Variants in RUNDC3B observed in about 807,000 individuals in gnomAD.
RUNDC3B encodes RUN domain containing 3B.
RUNDC3B carries 33 observed loss-of-function variants against 58.4 expected under a neutral mutation model. That is an observed-to-expected ratio of 0.56 (90% CI 0.43 to 0.75). RUNDC3B has a LOEUF of 0.75. Ranked by LOEUF, RUNDC3B falls within the 30% of genes least tolerant of loss-of-function variation. The pLI is 0.00. For synonymous variants in RUNDC3B, 193 were observed against 195.2 expected (o/e 0.99, Z 0.10); for missense variants, 501 against 535.7 (o/e 0.94, Z 0.64).
chr7:87,668,990 G>A (rs1825555984), intron 2 of RUNDC3B, among the ~76,000 whole-genome samples: 1 of 151,898 alleles, frequency 6.6e-6, no homozygotes, highest in South Asian at 2.1e-4. Context: ...GTGTATCCGA[G>A]CCTTTTGGTT....
intron 3 of RUNDC3B, among the ~76,000 whole-genome samples, chr7:87,701,497 CA>C (rs1829032131): frequency 6.6e-6 from 1 of 152,114 alleles, no homozygotes; most frequent in Non-Finnish European, 1.5e-5. Flanking sequence ...GATGGAACTG[CA>C]TAACTTGTAT....
chr7:87,763,275 A>G (rs1293107948), intron 6 of RUNDC3B, among the ~76,000 whole-genome samples: 1 of 151,692 alleles, frequency 6.6e-6, no homozygotes, highest in Admixed American at 6.6e-5. Context: ...TGATTTATTT[A>G]AAAATTTCTA....
At chr7:87,809,964 G>A (rs1268604772) in intron 9 of RUNDC3B, among the ~76,000 whole-genome samples, 1 of 152,080 alleles carries the variant, frequency 6.6e-6, no homozygotes, top group Admixed American at 6.6e-5. Flanking sequence ...AATTATGAAG[G>A]AGGTGGCTAA....
intron 3 of RUNDC3B, among the ~76,000 whole-genome samples, chr7:87,706,124 G>A (rs577508253): frequency 3.9e-5 from 6 of 152,250 alleles, no homozygotes; most frequent in African/African-American, 1.4e-4. Flanking sequence ...ACCAGTTTCA[G>A]AATATGCTAG....
At chr7:87,829,757 G>C in intron 10 of RUNDC3B, 128 bp from the exon 11 acceptor site, 1 of 599,492 alleles carries the variant, frequency 1.7e-6, no homozygotes, top group South Asian at 2.8e-5. Flanking sequence ...AATTTGTTCT[G>C]TAGGTTTCTT....
chr7:87,800,861 C>T (rs1025263309), intron 8 of RUNDC3B, among the ~76,000 whole-genome samples: 1 of 152,030 alleles, frequency 6.6e-6, no homozygotes, highest in East Asian at 1.9e-4. Context: ...GTTGTCCAGG[C>T]TGGTCTTGAA....
intron 6 of RUNDC3B, among the ~76,000 whole-genome samples, chr7:87,766,942 A>C (rs1273735534): frequency 3.3e-5 from 5 of 151,930 alleles, no homozygotes; most frequent in African/African-American, 1.2e-4. Context: ...GTTGATTTTT[A>C]ATTTTTTTTC....
At chr7:87,754,243 T>G (rs979534508) in intron 6 of RUNDC3B, among the ~76,000 whole-genome samples, 1 of 152,174 alleles carries the variant, frequency 6.6e-6, no homozygotes, top group Non-Finnish European at 1.5e-5. Flanking sequence ...AAACACACTC[T>G]TGGACCACAG....
intron 1 of RUNDC3B, among the ~76,000 whole-genome samples, chr7:87,644,342 T>C (rs1417429299): frequency 3.9e-5 from 6 of 152,348 alleles, no homozygotes; most frequent in Admixed American, 3.9e-4. Context: ...TGTTGATCAT[T>C]GATGCTGACT....
In RUNDC3B at chr7:87,777,819, C is replaced by T; in HGVS notation, c.820C>T (p.Arg274Ter). The T allele has an allele frequency of 1.9e-6, 3 of 1,613,542 alleles. No homozygotes were observed. The highest frequency in any genetic ancestry group is 2.5e-6 in the Non-Finnish European group (3 of 1,179,692). Reference sequence around the variant, plus strand: ...CCAGGGTTACCTTGAAGAACTCTTACGACTTCGAGAGAACCAACTATCTGA... The same window carrying T: ...CCAGGGTTACCTTGAAGAACTCTTATGACTTCGAGAGAACCAACTATCTGA... ...EQKGYLEELLRLRENQLSESV... is the reference protein window; with the variant it reads ...EQKGYLEELL Residue 274 changes from arginine (R) to a stop codon, truncating the protein, a stop_gained, in exon 8 of 11, where the codon CGA becomes TGA. Coordinates refer to ENST00000394654, the MANE Select transcript of RUNDC3B (RefSeq NM_001134405.2). LOFTEE classifies it high-confidence loss of function.
intron 9 of RUNDC3B, among the ~76,000 whole-genome samples, chr7:87,811,185 G>A (rs924087657): frequency 6.6e-6 from 1 of 151,896 alleles, no homozygotes; most frequent in African/African-American, 2.4e-5. Flanking sequence ...TATCCCAAAA[G>A]ATCAGATTCG....
At chr7:87,680,692 G>A (rs1826842053) in intron 2 of RUNDC3B, among the ~76,000 whole-genome samples, 1 of 150,272 alleles carries the variant, frequency 6.7e-6, no homozygotes, top group Non-Finnish European at 1.5e-5. Context: ...TACTTAGGAG[G>A]CTGAAGGCAG....
chr7:87,813,363 G>A (rs1254672977), intron 9 of RUNDC3B, among the ~76,000 whole-genome samples: 2 of 152,082 alleles, frequency 1.3e-5, no homozygotes, highest in Admixed American at 1.3e-4. Context: ...CCCTGCAGTG[G>A]GTTGTAGTGT....
At chr7:87,650,134 G>C (rs1244695832) in intron 1 of RUNDC3B, among the ~76,000 whole-genome samples, 1 of 152,104 alleles carries the variant, frequency 6.6e-6, no homozygotes, top group Non-Finnish European at 1.5e-5. Flanking sequence ...ATTTGAGTCT[G>C]CAGCTCAAAT....
At chr7:87,739,942 AT>A (rs1832217152) in intron 5 of RUNDC3B, 62 bp downstream of exon 5, 5 of 763,112 alleles carry the variant, frequency 6.6e-6, no homozygotes, top group Non-Finnish European at 1.0e-5. Context: ...TCTACTTATG[AT>A]TTTTTTCTTT....
chr7:87,737,614 A>G (rs1832064532), intron 4 of RUNDC3B, among the ~76,000 whole-genome samples: 1 of 152,140 alleles, frequency 6.6e-6, no homozygotes, highest in African/African-American at 2.4e-5. Flanking sequence ...TAAGCTCAGA[A>G]GTACATCTTC....
intron 8 of RUNDC3B, among the ~76,000 whole-genome samples, chr7:87,782,800 A>C (rs893737769): frequency 3.9e-5 from 6 of 152,066 alleles, no homozygotes; most frequent in African/African-American, 1.4e-4. Flanking sequence ...TATTCACTTC[A>C]ATTTTTCTTC....
intron 6 of RUNDC3B, among the ~76,000 whole-genome samples, chr7:87,748,071 G>A (rs952615540): frequency 6.6e-6 from 1 of 152,168 alleles, no homozygotes; most frequent in South Asian, 2.1e-4. Flanking sequence ...TTTAGCCCCT[G>A]CTCCTCTGGC....
At position 87,824,687 on chromosome 7, in the gene RUNDC3B, G is replaced by A. The variant is rs192616539; in HGVS notation, c.1226-5198G>A. ...AAAGTTTGGAACTTCCTAGAGACTT[G>A]TTGAATATCTTTGACCAAAATGCTG... On this transcript the variant is annotated intron_variant, in intron 10 of 10. Transcript: ENST00000394654. 8.1e-4 allele frequency among the ~76,000 whole-genome samples: 123 copies of A among 152,278 alleles called. 1 individual carries two copies. Among genetic ancestry groups the A allele is most frequent in the African/African-American group, 2.9e-3 (120 of 41,562 alleles).
Sources: gnomAD v4.1 joint callset for allele counts (sites outside exome capture counted in the v4.1 genomes callset) on GRCh38, gnomAD v4.1.1 for gene constraint, MANE v1.5 for transcripts, NCBI Gene and HGNC (gene_info 2026-07-23, HGNC 2026-07-21) for gene names.